TMEM131: variants seen among roughly 807,000 people sequenced by gnomAD.
TMEM131 encodes transmembrane protein 131.
A neutral mutation model predicts 211.6 loss-of-function variants in TMEM131; 66 were observed. The ratio of observed to expected loss-of-function variants is 0.31; its 90% CI spans 0.26 to 0.38. TMEM131 has a LOEUF of 0.38. TMEM131 is among the 10% of genes least tolerant of loss of function. The pLI, the probability that TMEM131 is intolerant of heterozygous loss-of-function variation, is 1.00. For synonymous variants in TMEM131, 844 were observed against 841.3 expected, an observed-to-expected ratio of 1.00 and a Z score of -0.06; for missense variants, 2,036 against 2,299.3, an observed-to-expected ratio of 0.89 and a Z score of 2.34.
chr2:97,866,680 A>G (rs1026930460), intron 4 of TMEM131, among the ~76,000 whole-genome samples: 2 of 151,554 alleles, frequency 1.3e-5, no homozygotes, highest in Non-Finnish European at 2.9e-5. Context: ...GTAAGTTTTG[A>G]TATGTTTTGT....
intron 1 of TMEM131, among the ~76,000 whole-genome samples, chr2:97,994,667 G>A (rs998803154): frequency 2.8e-4 from 43 of 151,674 alleles, no homozygotes; most frequent in African/African-American, 9.7e-4. Context: ...CATGTCCCTT[G>A]GCTCAAAAAG....
At chr2:97,899,903 A>C (rs931682911) in intron 3 of TMEM131, among the ~76,000 whole-genome samples, 1 of 151,874 alleles carries the variant, frequency 6.6e-6, no homozygotes, top group Non-Finnish European at 1.5e-5. Context: ...CACAAAATCT[A>C]CTCTCTCAGC....
intron 3 of TMEM131, among the ~76,000 whole-genome samples, chr2:97,905,647 G>C (rs1366584186): frequency 6.6e-6 from 1 of 152,176 alleles, no homozygotes; most frequent in Non-Finnish European, 1.5e-5. Context: ...TGTCTAGGTT[G>C]TTCTTAATCC....
chr2:97,812,979 G>A (rs1393302140), intron 15 of TMEM131, among the ~76,000 whole-genome samples: 3 of 151,332 alleles, frequency 2.0e-5, no homozygotes, highest in Non-Finnish European at 2.9e-5. Flanking sequence ...GAAACACAGC[G>A]AGACTCCATC....
At chr2:97,757,787 G>A (rs1300863172) in intron 40 of TMEM131, among the ~76,000 whole-genome samples, 6 of 152,306 alleles carry the variant, frequency 3.9e-5, no homozygotes, top group Admixed American at 1.3e-4. Flanking sequence ...ACACAGCTGC[G>A]CCCATCGGCC....
rs764370564 is a variant in TMEM131 at position 97,802,529 on chromosome 2, C to T, written c.2550G>A (p.Glu850=). 5.7e-5 allele frequency: 91 copies of T among 1,609,128 alleles called. No homozygotes were observed. The highest frequency in any genetic ancestry group is 7.6e-5 in the Non-Finnish European group (90 of 1,178,366). ...CATCTGCAGGATTTTCTAAAGTAAT[C>T]TCTTCTTCCTTAAACAAAATAATGA... is the stretch of plus-strand genomic sequence containing the variant. ...LTNTNCSSEE[E]ITLENPADVP... Residue 850 remains glutamate, a synonymous_variant, in exon 24 of 41, where the codon GAG becomes GAA. Coordinates refer to ENST00000186436, the MANE Select transcript of TMEM131 (RefSeq NM_015348.2).
intron 3 of TMEM131, among the ~76,000 whole-genome samples, chr2:97,890,635 C>T (rs1675339448): frequency 6.6e-6 from 1 of 152,158 alleles, no homozygotes; most frequent in African/African-American, 2.4e-5. Flanking sequence ...ACGTACTGAT[C>T]TTATACCTAG....
At chr2:97,964,105 T>G (rs1016084808) in intron 1 of TMEM131, among the ~76,000 whole-genome samples, 4 of 152,196 alleles carry the variant, frequency 2.6e-5, no homozygotes, top group Admixed American at 6.5e-5. Flanking sequence ...ACTAATAGAA[T>G]GACAGCAATC....
chr2:97,923,789 T>C (rs774708040), intron 2 of TMEM131, among the ~76,000 whole-genome samples: 3 of 152,010 alleles, frequency 2.0e-5, no homozygotes, highest in East Asian at 1.9e-4. Context: ...TTTATCTTCA[T>C]ATAAAAAAGT....
intron 4 of TMEM131, among the ~76,000 whole-genome samples, chr2:97,883,574 A>G (rs1294360871): frequency 6.6e-6 from 1 of 152,186 alleles, no homozygotes; most frequent in African/African-American, 2.4e-5. Context: ...ACTGTTCTCT[A>G]GGCTAAAGGT....
intron 22 of TMEM131, among the ~76,000 whole-genome samples, chr2:97,804,869 G>A (rs181818751): frequency 6.6e-6 from 1 of 152,138 alleles, no homozygotes; most frequent in Non-Finnish European, 1.5e-5. Context: ...AATATCTAAA[G>A]CACCACAGAA....
At chr2:97,897,001 A>T (rs1675641763) in intron 3 of TMEM131, among the ~76,000 whole-genome samples, 2 of 61,866 alleles carry the variant, frequency 3.2e-5, no homozygotes, top group Admixed American at 2.2e-4. Flanking sequence ...GGAGTTCTTT[A>T]ATTACTCTAT....
intron 2 of TMEM131, among the ~76,000 whole-genome samples, chr2:97,916,922 A>G (rs534670930): frequency 6.6e-6 from 1 of 152,332 alleles, no homozygotes; most frequent in Non-Finnish European, 1.5e-5. Context: ...AATATGACTT[A>G]TATTTATTAT....
intron 1 of TMEM131, among the ~76,000 whole-genome samples, chr2:97,938,001 C>G (rs994970406): frequency 6.6e-6 from 1 of 152,158 alleles, no homozygotes; most frequent in Non-Finnish European, 1.5e-5. Flanking sequence ...ACCACCAGGC[C>G]TGCCTTACAA....
At chr2:97,837,515 GT>G (rs1434240847) in intron 7 of TMEM131, among the ~76,000 whole-genome samples, 2 of 152,138 alleles carry the variant, frequency 1.3e-5, no homozygotes, top group African/African-American at 2.4e-5. Flanking sequence ...ATTTCTTACA[GT>G]AACACAAAGT....
intron 4 of TMEM131, among the ~76,000 whole-genome samples, chr2:97,863,343 TTTC>T (rs1488848312): frequency 2.0e-5 from 3 of 152,112 alleles, no homozygotes; most frequent in African/African-American, 7.2e-5. Context: ...TGGGCACAGA[TTTC>T]TTGAGTAATA....
At chr2:97,961,809 G>GCAA (rs1678829754) in intron 1 of TMEM131, among the ~76,000 whole-genome samples, 1 of 152,170 alleles carries the variant, frequency 6.6e-6, no homozygotes, top group South Asian at 2.1e-4. Context: ...AAATTGTGCT[G>GCAA]CAACAGCTGA....
intron 2 of TMEM131, among the ~76,000 whole-genome samples, chr2:97,916,858 C>A (rs1015746890): frequency 5.1e-4 from 78 of 152,104 alleles, no homozygotes; most frequent in African/African-American, 1.9e-3. Context: ...AAAATGAATA[C>A]CATCTCATGT....
At chr2:97,950,033 T>C (rs1162989630) in intron 1 of TMEM131, among the ~76,000 whole-genome samples, 1 of 152,156 alleles carries the variant, frequency 6.6e-6, no homozygotes, top group Non-Finnish European at 1.5e-5. Context: ...ATCCTCCTTC[T>C]GAGAAACACA....
Sources: allele counts gnomAD v4.1 joint callset (sites outside exome capture counted in the v4.1 genomes callset), GRCh38; gene constraint gnomAD v4.1.1; transcripts MANE v1.5; gene names NCBI Gene and HGNC (gene_info 2026-07-23, HGNC 2026-07-21).